Variants in PCDH15 observed in about 807,000 individuals in gnomAD.
PCDH15 encodes protocadherin related 15.
Under a neutral mutation model 178.5 loss-of-function variants are expected in PCDH15, and 129 were observed. The observed-to-expected ratio is 0.72, with a 90% CI of 0.63 to 0.84. The LOEUF (loss-of-function observed/expected upper bound fraction) is 0.84, where lower values mean the gene tolerates loss of function less well. Among genes scored for constraint, PCDH15 ranks in the 40% least tolerant of loss-of-function variants. The pLI is 0.00. For synonymous variants in PCDH15, 800 were observed against 732.0 expected, an observed-to-expected ratio of 1.09 and a Z score of -1.50; for missense variants, 2,230 against 2,099.9, an observed-to-expected ratio of 1.06 and a Z score of -1.21.
In PCDH15 at chr10:53,822,169, T is replaced by G. The variant is rs145903555; in HGVS notation, c.4368-1939A>C. 3.8e-4 allele frequency: 607 copies of G among 1,614,040 alleles called. 6 individuals are homozygous for G. The highest frequency in any genetic ancestry group is 3.7e-3 in the South Asian group (334 of 91,082). On this transcript the variant is annotated intron_variant, in intron 32 of 37. Coordinates refer to ENST00000644397, the MANE Select transcript of PCDH15 (RefSeq NM_001384140.1). ...GAGGACTTAATTTTCTCGGCAGGCATCAAGTTGGTCGTGCATTTAACACCT... is the reference window on the plus strand; with the variant it reads ...GAGGACTTAATTTTCTCGGCAGGCAGCAAGTTGGTCGTGCATTTAACACCT...
rs138371317 is a variant in PCDH15, at chr10:54,755,016, T to C, written c.-29+45909A>G. 5.4e-4 allele frequency among the ~76,000 whole-genome samples: 80 copies of C among 148,088 alleles called. No homozygotes were observed. The Middle Eastern group carries it at 0.036, about 67-fold the overall frequency. ...CAGGCTGAAGTGCAATGGCACGATC[T>C]TGGCTCACTGCAACCTCTGTCTCTT... On this transcript the variant is annotated intron_variant, in intron 1 of 37. Coordinates refer to ENST00000644397, the MANE Select transcript of PCDH15 (RefSeq NM_001384140.1).
chr10:55,439,012 C>T (rs1839114818), intron 2 of PCDH15, among the ~76,000 whole-genome samples: 1 of 152,060 alleles, frequency 6.6e-6, no homozygotes, highest in Non-Finnish European at 1.5e-5. Context: ...CATTCTCCCA[C>T]CTCTGCCTCC....
intron 2 of PCDH15, among the ~76,000 whole-genome samples, chr10:54,625,316 GACT>G (rs1332365556): frequency 2.0e-5 from 3 of 152,258 alleles, no homozygotes; most frequent in Non-Finnish European, 2.9e-5. Context: ...ACAAGGAAAG[GACT>G]ACAAGTTTCC....
At chr10:54,985,361 T>A (rs1839338120) in intron 2 of PCDH15, among the ~76,000 whole-genome samples, 1 of 152,176 alleles carries the variant, frequency 6.6e-6, no homozygotes. Context: ...TATGCATATA[T>A]ACATATGCAT....
At chr10:54,634,159 C>CT (rs2093780722) in intron 2 of PCDH15, among the ~76,000 whole-genome samples, 1 of 148,568 alleles carries the variant, frequency 6.7e-6, no homozygotes, top group Admixed American at 6.7e-5. Flanking sequence ...GAAGATGAAA[C>CT]TTTTTATATG....
At chr10:55,490,717 G>GA (rs1294396428) in intron 2 of PCDH15, among the ~76,000 whole-genome samples, 2 of 151,562 alleles carry the variant, frequency 1.3e-5, no homozygotes, top group African/African-American at 2.4e-5. Context: ...GTGGAAGACA[G>GA]AAAAAAATAT....
At chr10:54,514,963 A>C (rs2082063935) in intron 3 of PCDH15, among the ~76,000 whole-genome samples, 1 of 152,220 alleles carries the variant, frequency 6.6e-6, no homozygotes, top group South Asian at 2.1e-4. Flanking sequence ...TAAAGTCTCA[A>C]GTGTAGCATG....
chr10:54,867,251 T>C lies in PCDH15; in HGVS notation c.-29+30199A>G, dbSNP rs1248866998. On this transcript the variant is annotated intron_variant, in intron 3 of 5. Transcript: ENST00000458638. ...GTGTTGTGCATTGGGATTCAGCACC[T>C]GGAAAGTTTGAACTGTGATCTCTCC... Among the ~76,000 whole-genome samples, 3 of 152,152 alleles carry C rather than the reference T, an allele frequency of 2.0e-5. No homozygotes were observed. The East Asian group carries it at 5.8e-4, about 29-fold the overall frequency.
intron 3 of PCDH15, among the ~76,000 whole-genome samples, chr10:54,879,355 C>A (rs1023302538): frequency 6.6e-6 from 1 of 152,042 alleles, no homozygotes; most frequent in Non-Finnish European, 1.5e-5. Flanking sequence ...ATATCTCAAA[C>A]ATATTTTTAC....
intron 1 of PCDH15, among the ~76,000 whole-genome samples, chr10:55,289,639 T>A (rs559430828): frequency 1.3e-5 from 2 of 152,146 alleles, no homozygotes; most frequent in African/African-American, 4.8e-5. Context: ...TAGGGATCCA[T>A]AAATTTCCTA....
At chr10:54,944,618 T>A (rs1167894710) in intron 2 of PCDH15, among the ~76,000 whole-genome samples, 1 of 151,914 alleles carries the variant, frequency 6.6e-6, no homozygotes, top group Admixed American at 6.6e-5. Context: ...TATCAACATA[T>A]CAGTCAGAGG....
intron 2 of PCDH15, among the ~76,000 whole-genome samples, chr10:55,021,758 T>G (rs973726713): frequency 6.1e-4 from 93 of 152,224 alleles, no homozygotes; most frequent in Non-Finnish European, 2.5e-4. Flanking sequence ...ATATGTATCT[T>G]GAACATCAAT....
At chr10:54,106,346 T>C (rs1002845313) in intron 15 of PCDH15, among the ~76,000 whole-genome samples, 1 of 152,218 alleles carries the variant, frequency 6.6e-6, no homozygotes, top group Admixed American at 6.5e-5. Context: ...TAGCACAGCT[T>C]CCTTGCTGTC....
chr10:54,971,244 G>A (rs1219535), intron 2 of PCDH15, among the ~76,000 whole-genome samples: 51,033 of 152,028 alleles, frequency 0.34, 9,582 homozygotes, highest in Non-Finnish European at 0.44. Flanking sequence ...GTGGGGCCTT[G>A]AGGAGGTTCT....
intron 2 of PCDH15, among the ~76,000 whole-genome samples, chr10:54,956,318 T>C (rs572809607): frequency 6.6e-6 from 1 of 151,668 alleles, no homozygotes; most frequent in African/African-American, 2.4e-5. Context: ...TTTGAGAATA[T>C]ACTACATGGT....
intron 3 of PCDH15, among the ~76,000 whole-genome samples, chr10:54,817,484 A>G (rs1952966591): frequency 6.6e-6 from 1 of 152,026 alleles, no homozygotes; most frequent in African/African-American, 2.4e-5. Context: ...AGAAGCTGAA[A>G]TGAATTCTTG....
chr10:54,008,528 C>T (rs543503603), intron 20 of PCDH15, among the ~76,000 whole-genome samples: 3 of 152,140 alleles, frequency 2.0e-5, no homozygotes, highest in South Asian at 2.1e-4. Context: ...ATTTAACTCC[C>T]CTAACATTTT....
chr10:54,028,488 C>T (rs1161072441), intron 18 of PCDH15, among the ~76,000 whole-genome samples: 7 of 151,998 alleles, frequency 4.6e-5, no homozygotes, highest in Non-Finnish European at 8.8e-5. Flanking sequence ...CACATGCACA[C>T]ATATGTTTAT....
intron 28 of PCDH15, among the ~76,000 whole-genome samples, chr10:53,849,666 CATT>C (rs2078215639): frequency 1.3e-5 from 2 of 151,632 alleles, no homozygotes; most frequent in Admixed American, 6.6e-5. Flanking sequence ...AGATCTAGAC[CATT>C]GTGGCTAACA....
Sources: allele counts gnomAD v4.1 joint callset (sites outside exome capture counted in the v4.1 genomes callset), GRCh38; gene constraint gnomAD v4.1.1; transcripts MANE v1.5; gene names NCBI Gene and HGNC (gene_info 2026-07-23, HGNC 2026-07-21).